Variants in ANK3 observed in about 807,000 individuals in gnomAD.
ANK3 encodes ankyrin-3.
Under a neutral mutation model 370.9 loss-of-function variants are expected in ANK3, and 57 were observed. That is an observed-to-expected ratio of 0.15 (90% confidence interval 0.12 to 0.19). ANK3 has a LOEUF of 0.19. Among genes scored for constraint, ANK3 ranks in the 10% least tolerant of loss-of-function variants. ANK3 has a pLI of 1.00. For missense variants in ANK3, 4,439 were observed against 5,302.1 expected (o/e 0.84, Z 5.06); for synonymous variants, 1,929 against 1,946.3 (o/e 0.99, Z 0.23).
intron 13 of ANK3, among the ~76,000 whole-genome samples, chr10:60,198,949 T>A (rs2132411644): frequency 6.6e-6 from 1 of 152,314 alleles, no homozygotes; most frequent in East Asian, 1.9e-4. Context: ...TTTTGTTGGT[T>A]CTGCCTTCCC....
rs528807112 is a variant in ANK3, at chr10:60,555,197, C to A, written c.96+59989G>T. ...ATTGAAATTACAAAACTTGGCCAGG[C>A]ATAGTGGCTCACACCCATGATCCTA... On this transcript the variant is annotated intron_variant, in intron 2 of 43. Transcript: ENST00000373827. Among the ~76,000 whole-genome samples the A allele has an allele frequency of 5.3e-4, 81 of 152,140 alleles. 2 individuals carry two copies. Among genetic ancestry groups the A allele is most frequent in the Admixed American group, 2.6e-4 (4 of 15,268 alleles).
Position 60,063,305 on chromosome 10 carries a change from G to A in ANK3, c.12452-51C>T, listed in dbSNP as rs772046922. On this transcript the variant is annotated intron_variant, in intron 39 of 43. Transcript: ENST00000280772. The stretch of plus-strand genomic sequence containing the variant: ...AACCCAATTAAATTATGTTCTTTCA[G>A]TCAGCACAATATCTACACAAAGGCA... The A allele has an allele frequency of 1.9e-6, 3 of 1,547,064 alleles. No individual in the cohort carries two copies. The Admixed American group carries it at 5.6e-5, about 29-fold the overall frequency.
At chr10:60,450,034 A>G (rs750696533) in intron 2 of ANK3, among the ~76,000 whole-genome samples, 8 of 152,224 alleles carry the variant, frequency 5.3e-5, no homozygotes, top group Non-Finnish European at 5.9e-5. Context: ...ACAGTGACTC[A>G]TGCTTATAAT....
intron 1 of ANK3, among the ~76,000 whole-genome samples, chr10:60,294,020 T>C (rs145993741): frequency 1.1e-4 from 17 of 152,368 alleles, no homozygotes; most frequent in Admixed American, 1.0e-3. Flanking sequence ...GTAGGAGGCA[T>C]TGGCATGAGT....
intron 16 of ANK3, among the ~76,000 whole-genome samples, chr10:60,195,388 C>CAAA (rs1320105561): frequency 6.4e-4 from 46 of 71,770 alleles, no homozygotes; most frequent in African/African-American, 2.1e-3. Flanking sequence ...CGTCTCCCTC[C>CAAA]AAAAAAAAAA....
intron 1 of ANK3, among the ~76,000 whole-genome samples, chr10:60,306,602 G>A (rs189399592): frequency 6.6e-6 from 1 of 152,156 alleles, no homozygotes; most frequent in African/African-American, 2.4e-5. Context: ...TAGTGGGATC[G>A]TTGGATTGAA....
At chr10:60,188,270 C>G (rs983197278) in intron 16 of ANK3, among the ~76,000 whole-genome samples, 10 of 152,172 alleles carry the variant, frequency 6.6e-5, no homozygotes, top group African/African-American at 2.4e-4. Context: ...TGTTAGTCAG[C>G]TGTGCCTCAG....
At chr10:60,212,444 A>G (rs2096871907) in intron 9 of ANK3, among the ~76,000 whole-genome samples, 1 of 152,152 alleles carries the variant, frequency 6.6e-6, no homozygotes, top group Non-Finnish European at 1.5e-5. Flanking sequence ...GAAAATAGAT[A>G]TGGGGTATGT....
chr10:60,618,323 A>G (rs959374010), intron 1 of ANK3, among the ~76,000 whole-genome samples: 1 of 152,224 alleles, frequency 6.6e-6, no homozygotes, highest in Non-Finnish European at 1.5e-5. Flanking sequence ...AAGTAAAGCA[A>G]TAAAGCATGG....
intron 2 of ANK3, among the ~76,000 whole-genome samples, chr10:60,451,456 G>A (rs1369769938): frequency 6.6e-6 from 1 of 152,174 alleles, no homozygotes; most frequent in African/African-American, 2.4e-5. Context: ...TCTGGCAGCT[G>A]GTCTAGTGCT....
chr10:60,449,173 T>C (rs1215509924), intron 2 of ANK3, among the ~76,000 whole-genome samples: 5 of 152,310 alleles, frequency 3.3e-5, no homozygotes, highest in African/African-American at 1.2e-4. Context: ...TAGGAGACAG[T>C]AGTCTATATT....
intron 1 of ANK3, among the ~76,000 whole-genome samples, chr10:60,288,948 A>T (rs1362791399): frequency 6.6e-6 from 1 of 150,538 alleles, no homozygotes; most frequent in African/African-American, 2.5e-5. Context: ...AGGGATTCAG[A>T]TTCGATTGGT....
chr10:60,572,367 A>G, intron 2 of ANK3: 3 of 1,235,662 alleles, frequency 2.4e-6, no homozygotes, highest in Non-Finnish European at 3.3e-6. Context: ...AGCTTCTTAA[A>G]AATCTAAAGC....
intron 18 of ANK3, among the ~76,000 whole-genome samples, chr10:60,178,793 A>T (rs10509126): frequency 0.14 from 21,112 of 152,190 alleles, 2,254 homozygotes; most frequent in African/African-American, 0.28. Context: ...TCTAAATAAA[A>T]TGCTTCCGGA....
At chr10:60,212,398 A>G (rs1293941337) in intron 9 of ANK3, among the ~76,000 whole-genome samples, 1 of 152,170 alleles carries the variant, frequency 6.6e-6, no homozygotes, top group Non-Finnish European at 1.5e-5. Context: ...GTGAGAGATG[A>G]TAATGTGGCT....
At chr10:60,539,920 A>C (rs1487308387) in intron 2 of ANK3, among the ~76,000 whole-genome samples, 1 of 152,006 alleles carries the variant, frequency 6.6e-6, no homozygotes, top group African/African-American at 2.4e-5. Context: ...AAAAAAACAA[A>C]CAACAAAGTA....
intron 42 of ANK3, among the ~76,000 whole-genome samples, chr10:60,048,356 A>G (rs986270335): frequency 1.3e-5 from 2 of 152,192 alleles, no homozygotes; most frequent in Non-Finnish European, 2.9e-5. Flanking sequence ...TGACAGCCCA[A>G]TGCTGCCCTC....
At chr10:60,350,970 A>G (rs2056743906) in intron 1 of ANK3, among the ~76,000 whole-genome samples, 1 of 152,212 alleles carries the variant, frequency 6.6e-6, no homozygotes, top group Non-Finnish European at 1.5e-5. Context: ...AGAGAAAAAA[A>G]AAAATCTCCT....
chr10:60,230,448 T>C (rs1396946427), intron 8 of ANK3, among the ~76,000 whole-genome samples: 2 of 152,230 alleles, frequency 1.3e-5, no homozygotes, highest in Non-Finnish European at 2.9e-5. Context: ...GGTGTTTATA[T>C]CTCAGCACAT....
Sources: gnomAD v4.1 joint callset for allele counts (sites outside exome capture counted in the v4.1 genomes callset) on GRCh38, gnomAD v4.1.1 for gene constraint, MANE v1.5 for transcripts, NCBI Gene and HGNC (gene_info 2026-07-23, HGNC 2026-07-21) for gene names.